INPP5D: variants seen among roughly 807,000 people sequenced by gnomAD.
The protein encoded by INPP5D is inositol polyphosphate-5-phosphatase D.
Under a neutral mutation model 122.9 loss-of-function variants are expected in INPP5D, and 33 were observed. That is an observed-to-expected ratio of 0.27 (90% CI 0.20 to 0.36). The LOEUF (loss-of-function observed/expected upper bound fraction) is 0.36. Ranked by LOEUF, INPP5D falls within the 10% of genes least tolerant of loss-of-function variation. INPP5D has a pLI of 1.00. For synonymous variants in INPP5D, 584 were observed against 576.2 expected (o/e 1.01, Z -0.19); for missense variants, 1,053 against 1,412.7 (o/e 0.75, Z 4.08).
intron 5 of INPP5D, among the ~76,000 whole-genome samples, chr2:233,136,559 A>G (rs990618326): frequency 9.9e-5 from 15 of 152,196 alleles, no homozygotes; most frequent in Admixed American, 3.9e-4. Context: ...ATTATGGGTC[A>G]TGTCCTAATC....
At position 233,146,253 on chromosome 2, in the gene INPP5D, G is replaced by A. The variant is rs36137020; in HGVS notation, c.834+11G>A. On this transcript the variant is annotated intron_variant, in intron 7 of 26. Coordinates refer to ENST00000445964, the MANE Select transcript of INPP5D (RefSeq NM_001017915.3). ...TCCATTGAAGACAAGGTACGTGTGGGGCTCCTGCGGCTTCTCTTGGTCTCC... is the reference window on the plus strand; with the variant it reads ...TCCATTGAAGACAAGGTACGTGTGGAGCTCCTGCGGCTTCTCTTGGTCTCC... The A allele has an allele frequency of 0.07, 49,581 of 704,168 alleles. 3,522 individuals carry two copies. Among genetic ancestry groups the A allele is most frequent in the Admixed American group, 0.22 (10,883 of 50,010 alleles). The allele number at this position is 704,168 out of a possible 1,614,324, so 43.6% of individuals were successfully genotyped here.
intron 2 of INPP5D, among the ~76,000 whole-genome samples, chr2:233,121,203 T>A (rs35368576): frequency 6.8e-6 from 1 of 147,524 alleles, no homozygotes; most frequent in South Asian, 2.1e-4. Context: ...GTGATCTTGG[T>A]TCACTGCAAC....
intron 24 of INPP5D, 80 bp downstream of exon 24, chr2:233,195,575 G>C: frequency 6.3e-7 from 1 of 1,591,430 alleles, no homozygotes; most frequent in Non-Finnish European, 8.5e-7. Context: ...GGCCGGGTGC[G>C]ATGGTTCACG....
At chr2:233,194,004 C>G (rs771416145) in intron 23 of INPP5D, 43 bp downstream of exon 23, 5 of 1,530,828 alleles carry the variant, frequency 3.3e-6, no homozygotes, top group Non-Finnish European at 4.4e-6. Flanking sequence ...CAGCCCCCCA[C>G]TTAGGGACGG....
At chr2:233,195,282 A>G (rs1013881151) in intron 23 of INPP5D, 117 bp from the exon 24 acceptor site, 6 of 1,498,550 alleles carry the variant, frequency 4.0e-6, no homozygotes, top group East Asian at 4.7e-5. Flanking sequence ...TCACCTCTCC[A>G]GGTACTCACT....
At chr2:233,102,430 G>A (rs184135675) in intron 2 of INPP5D, among the ~76,000 whole-genome samples, 38 of 152,246 alleles carry the variant, frequency 2.5e-4, no homozygotes, top group African/African-American at 8.9e-4. Context: ...TTCACATTTC[G>A]TGATTTTCCC....
chr2:233,185,505 T>G (rs1215074385), intron 20 of INPP5D, among the ~76,000 whole-genome samples: 4 of 151,986 alleles, frequency 2.6e-5, no homozygotes, highest in African/African-American at 9.7e-5. Context: ...TTGAGTGGCG[T>G]GGGACGAGCT....
Position 233,170,999 on chromosome 2 carries a change from A to G in INPP5D, c.1901-65A>G, listed in dbSNP as rs1694481359. Reference sequence around the variant, plus strand: ...TCCCCTGATTTCCTACCAGAAGAATAGGGAAAATTGGCCAGATGCAAAACC... The same window carrying G: ...TCCCCTGATTTCCTACCAGAAGAATGGGGAAAATTGGCCAGATGCAAAACC... On this transcript the variant is annotated intron_variant, in intron 16 of 26. Transcript: ENST00000445964. The surrounding 1 kb of genome is among the most constrained non-coding windows in gnomAD (Gnocchi z 4.5). 1.9e-6 allele frequency: 3 copies of G among 1,584,324 alleles called. No individual in the cohort carries two copies. The highest frequency in any genetic ancestry group is 2.6e-6 in the Non-Finnish European group (3 of 1,164,448).
intron 1 of INPP5D, among the ~76,000 whole-genome samples, chr2:233,067,060 G>A (rs1306628926): frequency 6.6e-6 from 1 of 152,236 alleles, no homozygotes; most frequent in Non-Finnish European, 1.5e-5. Flanking sequence ...TTACAGGCGT[G>A]AGCCACTGCA....
At chr2:233,181,989 G>A (rs942948587) in intron 18 of INPP5D, among the ~76,000 whole-genome samples, 7 of 152,156 alleles carry the variant, frequency 4.6e-5, no homozygotes, top group East Asian at 1.9e-4. Context: ...CCAGCTACTC[G>A]GGTGGCTGAG....
intron 20 of INPP5D, 115 bp from the exon 21 acceptor site, chr2:233,185,714 TAAAAAAAAAAAAAA>T (rs34533084): frequency 1.6e-6 from 1 of 625,636 alleles, no homozygotes; most frequent in Non-Finnish European, 2.0e-6. Flanking sequence ...GGCCCCGAGA[TAAAAAAAAAAAAAA>T]AAAAAAAAAG....
intron 2 of INPP5D, among the ~76,000 whole-genome samples, chr2:233,107,004 C>T (rs897411232): frequency 3.3e-5 from 5 of 152,192 alleles, no homozygotes; most frequent in Non-Finnish European, 7.3e-5. Flanking sequence ...CTTGAATCTT[C>T]AAGGAAAGCA....
intron 2 of INPP5D, among the ~76,000 whole-genome samples, chr2:233,080,307 C>G (rs4246650): frequency 0.9 from 136,809 of 152,204 alleles, 61,540 homozygotes; most frequent in East Asian, 0.99. Flanking sequence ...TTTACTAAAG[C>G]CTTTGTTTCG....
In INPP5D at chr2:233,184,060, G is replaced by A. The variant is rs185097075; in HGVS notation, c.2162-348G>A. Among the ~76,000 whole-genome samples the A allele has an allele frequency of 1.4e-3, 207 of 152,240 alleles. 1 individual carries two copies. Among genetic ancestry groups the A allele is most frequent in the African/African-American group, 4.8e-3 (199 of 41,530 alleles). On this transcript the variant is annotated intron_variant, in intron 19 of 26. Transcript: ENST00000445964. ...GCATTGATCTGGGTATTGAGCAACC[G>A]AGCCATTGTACAAAGTCTTTTTGCT...
chr2:233,170,209 G>GGA lies in INPP5D; in HGVS notation c.1791+47_1791+48dup, dbSNP rs756256316. 1 of 1,597,294 alleles carries GGA rather than the reference G, an allele frequency of 6.3e-7. No individual in the cohort carries two copies. Among genetic ancestry groups the GGA allele is most frequent in the Non-Finnish European group, 8.5e-7 (1 of 1,171,296 alleles). The stretch of plus-strand genomic sequence containing the variant: ...GGCTGGGGCTGGGGCTGTATGAGAT[G>GGA]GAGGCTCCCTTGAGTCAGCTTGGGG... On this transcript the variant is annotated intron_variant, in intron 15 of 26. Coordinates refer to ENST00000445964, the MANE Select transcript of INPP5D (RefSeq NM_001017915.3). The surrounding 1 kb of genome is among the most constrained non-coding windows in gnomAD (Gnocchi z 4.5).
intron 2 of INPP5D, among the ~76,000 whole-genome samples, chr2:233,103,122 C>T (rs180752096): frequency 4.1e-4 from 62 of 152,346 alleles, no homozygotes; most frequent in African/African-American, 1.3e-3. Flanking sequence ...CATGCTGCTG[C>T]GTGCACAGCA....
chr2:233,132,206 G>A, intron 5 of INPP5D, among the ~76,000 whole-genome samples: 1 of 152,210 alleles, frequency 6.6e-6, no homozygotes, highest in East Asian at 1.9e-4. Context: ...CTGATAACAA[G>A]CTCTTAGTTC....
chr2:233,164,703 G>A lies in INPP5D; in HGVS notation c.1555+279G>A, dbSNP rs973923352. ...GTTCCAAGTTTCTGACAGGTTCCCA[G>A]GCGACTTGAGCGCTGCTGGTCGGCC... On this transcript the variant is annotated intron_variant, in intron 13 of 26. Coordinates refer to ENST00000445964, the MANE Select transcript of INPP5D (RefSeq NM_001017915.3). This position sits in a 1 kb window ranked among gnomAD's most constrained non-coding sequence, Gnocchi z 4.3. Among the ~76,000 whole-genome samples, 1 of 152,174 alleles carries A rather than the reference G, an allele frequency of 6.6e-6. No homozygotes were observed. Among genetic ancestry groups the A allele is most frequent in the Non-Finnish European group, 1.5e-5 (1 of 68,022 alleles).
chr2:233,148,840 G>T (rs1693845349), intron 9 of INPP5D, among the ~76,000 whole-genome samples: 1 of 152,038 alleles, frequency 6.6e-6, no homozygotes, highest in South Asian at 2.1e-4. Flanking sequence ...CCAAGTCTCT[G>T]TGGCTACAAC....
Sources: allele counts gnomAD v4.1 joint callset (sites outside exome capture counted in the v4.1 genomes callset), GRCh38; gene constraint gnomAD v4.1.1; non-coding constraint Gnocchi (gnomAD v3.1); transcripts MANE v1.5; gene names NCBI Gene and HGNC (gene_info 2026-07-23, HGNC 2026-07-21).